VGLL4: variants seen among roughly 807,000 people sequenced by gnomAD.
VGLL4 encodes the protein vestigial like family member 4, also known as transcription cofactor vestigial-like protein 4.
A neutral mutation model predicts 21.0 loss-of-function variants in VGLL4; 7 were observed. The observed-to-expected ratio is 0.33, with a 90% CI of 0.19 to 0.63. VGLL4 has a LOEUF of 0.63. VGLL4 is among the 20% of genes least tolerant of loss of function. The probability of loss-of-function intolerance (pLI) is 0.78; values close to 1 mark genes in which losing one functional copy is unlikely to be tolerated. For synonymous variants in VGLL4, 222 were observed against 173.2 expected, an observed-to-expected ratio of 1.28 and a Z score of -2.21; for missense variants, 394 against 425.7, an observed-to-expected ratio of 0.93 and a Z score of 0.66.
At chr3:11,703,441 G>A (rs1178827643) in intron 1 of VGLL4, among the ~76,000 whole-genome samples, 1 of 152,202 alleles carries the variant, frequency 6.6e-6, no homozygotes. Flanking sequence ...GTGAGGTGGT[G>A]CAGCTTAACA....
At chr3:11,701,400 A>G (rs1308465625) in intron 2 of VGLL4, among the ~76,000 whole-genome samples, 1 of 152,188 alleles carries the variant, frequency 6.6e-6, no homozygotes, top group African/African-American at 2.4e-5. Flanking sequence ...CAGCACCGTG[A>G]GCCAATTAAA....
intron 1 of VGLL4, among the ~76,000 whole-genome samples, chr3:11,618,115 T>C (rs1432176749): frequency 2.0e-5 from 3 of 152,186 alleles, no homozygotes; most frequent in Non-Finnish European, 4.4e-5. Flanking sequence ...AAAATCTGAA[T>C]ACCGATGTTT....
intron 1 of VGLL4, among the ~76,000 whole-genome samples, chr3:11,718,817 T>C (rs1017416113): frequency 1.3e-5 from 2 of 152,022 alleles, no homozygotes; most frequent in African/African-American, 4.8e-5. Flanking sequence ...CTGGTTCTTA[T>C]TAATCACAGA....
chr3:11,715,383 G>C (rs1261975046), intron 1 of VGLL4, among the ~76,000 whole-genome samples: 1 of 151,990 alleles, frequency 6.6e-6, no homozygotes, highest in African/African-American at 2.4e-5. Flanking sequence ...GCCTAGGCTG[G>C]AGTGCAATGG....
intron 1 of VGLL4, among the ~76,000 whole-genome samples, chr3:11,706,032 A>G (rs2076756953): frequency 6.6e-6 from 1 of 152,234 alleles, no homozygotes; most frequent in African/African-American, 2.4e-5. Context: ...ATTTTACCCC[A>G]TTAAGTTGAA....
upstream of VGLL4, among the ~76,000 whole-genome samples, chr3:11,721,476 A>G (rs1353550329): frequency 1.3e-5 from 2 of 152,244 alleles, no homozygotes; most frequent in African/African-American, 4.8e-5. Flanking sequence ...CAACCTAGGA[A>G]TAGGTCCCCT....
chr3:11,697,273 G>GT (rs376466335), intron 2 of VGLL4, among the ~76,000 whole-genome samples: 8,591 of 137,208 alleles, frequency 0.063, 278 homozygotes, highest in Middle Eastern at 0.091. Context: ...GCTAATTGTG[G>GT]TTTTTTTTTT....
At chr3:11,585,931 C>T (rs1211499769) in intron 2 of VGLL4, among the ~76,000 whole-genome samples, 7 of 152,122 alleles carry the variant, frequency 4.6e-5, no homozygotes, top group Non-Finnish European at 5.9e-5. Flanking sequence ...GCCGTTGGTC[C>T]CTGGGTGTTT....
intron 2 of VGLL4, among the ~76,000 whole-genome samples, chr3:11,690,482 A>G (rs1323205144): frequency 6.6e-6 from 1 of 152,146 alleles, no homozygotes; most frequent in African/African-American, 2.4e-5. Flanking sequence ...AGCACCCTAA[A>G]CTAGTACTTC....
rs2076955557 is a variant in VGLL4 at position 11,719,075 on chromosome 3, G to C, written c.-14+1319C>G. Reference sequence around the variant, plus strand: ...GAGGCCTGCACTGGGTGCAGGGAGAGTGTGCAGTCCTGTTTTGGGGACCGG... The same window carrying C: ...GAGGCCTGCACTGGGTGCAGGGAGACTGTGCAGTCCTGTTTTGGGGACCGG... On this transcript the variant is annotated intron_variant, in intron 1 of 5. Coordinates refer to the VGLL4 transcript ENST00000273038. This position sits in a 1 kb window ranked among gnomAD's most constrained non-coding sequence, Gnocchi z 4.0. 6.6e-6 allele frequency among the ~76,000 whole-genome samples: 1 copy of C among 152,326 alleles called. No individual in the cohort carries two copies. Among genetic ancestry groups the C allele is most frequent in the Non-Finnish European group, 1.5e-5 (1 of 68,030 alleles).
In VGLL4 at chr3:11,719,794, T is replaced by TC. The variant is rs546490200; in HGVS notation, c.-14+599dup. 6.6e-5 allele frequency among the ~76,000 whole-genome samples: 10 copies of TC among 151,466 alleles called. No individual in the cohort carries two copies. The East Asian group carries it at 9.9e-4, about 15-fold the overall frequency. On this transcript the variant is annotated intron_variant, in intron 1 of 5. Coordinates refer to the VGLL4 transcript ENST00000273038. The surrounding 1 kb of genome is among the most constrained non-coding windows in gnomAD (Gnocchi z 4.0). Reference sequence around the variant, plus strand: ...CGCGGCAGGGAGAGGCCGCTTTCCCTCCCCCGCCAGCTGCGCGCCCGGTGC... The same window carrying TC: ...CGCGGCAGGGAGAGGCCGCTTTCCCTCCCCCCGCCAGCTGCGCGCCCGGTGC...
At chr3:11,564,694 C>T in intron 3 of VGLL4, 103 bp downstream of exon 3, 1 of 1,388,714 alleles carries the variant, frequency 7.2e-7, no homozygotes, top group Admixed American at 2.2e-5. Flanking sequence ...CACCACCTCC[C>T]TCCCTCACCA....
chr3:11,630,008 G>A (rs1559911098), intron 1 of VGLL4, among the ~76,000 whole-genome samples: 3 of 152,174 alleles, frequency 2.0e-5, no homozygotes, highest in Non-Finnish European at 2.9e-5. Context: ...TCTGTGCCAC[G>A]TTGGTGTTTT....
chr3:11,719,810 C>T lies in VGLL4; in HGVS notation c.-14+584G>A, dbSNP rs1320458571. ...CGCTTTCCCTCCCCCGCCAGCTGCG[C>T]GCCCGGTGCCAGCTCGCACCTCCCG... On this transcript the variant is annotated intron_variant, in intron 1 of 5. Coordinates refer to the VGLL4 transcript ENST00000273038. This position sits in a 1 kb window ranked among gnomAD's most constrained non-coding sequence, Gnocchi z 4.0. Among the ~76,000 whole-genome samples, 12 of 152,038 alleles carry T rather than the reference C, an allele frequency of 7.9e-5. No homozygotes were observed. Among genetic ancestry groups the T allele is most frequent in the African/African-American group, 1.4e-4 (6 of 41,428 alleles).
intron 1 of VGLL4, among the ~76,000 whole-genome samples, chr3:11,605,468 A>T (rs2074918790): frequency 6.6e-6 from 1 of 151,646 alleles, no homozygotes; most frequent in South Asian, 2.1e-4. Flanking sequence ...GAGCCCTGAA[A>T]ATTTCAGCCC....
intron 2 of VGLL4, among the ~76,000 whole-genome samples, chr3:11,570,103 G>T (rs2073713655): frequency 6.6e-6 from 1 of 151,954 alleles, no homozygotes; most frequent in African/African-American, 2.4e-5. Context: ...ATGTGCACAG[G>T]GCAGGTCAGC....
chr3:11,614,926 C>G (rs974812251), intron 1 of VGLL4, among the ~76,000 whole-genome samples: 1 of 152,154 alleles, frequency 6.6e-6, no homozygotes, highest in Admixed American at 6.5e-5. Flanking sequence ...TAAAGCTACC[C>G]AAAAAGTTGA....
At chr3:11,621,830 ATTG>A in intron 1 of VGLL4, among the ~76,000 whole-genome samples, 1 of 152,078 alleles carries the variant, frequency 6.6e-6, no homozygotes, top group Non-Finnish European at 1.5e-5. Context: ...AACACTTGTT[ATTG>A]TCTTTTTTAT....
chr3:11,624,263 C>T (rs1358011447), intron 1 of VGLL4, among the ~76,000 whole-genome samples: 2 of 152,184 alleles, frequency 1.3e-5, no homozygotes, highest in Non-Finnish European at 2.9e-5. Context: ...ATGCCTCTTC[C>T]ACTTTCACAA....
Sources: allele counts gnomAD v4.1 joint callset (sites outside exome capture counted in the v4.1 genomes callset), GRCh38; gene constraint gnomAD v4.1.1; non-coding constraint Gnocchi (gnomAD v3.1); transcripts MANE v1.5; gene names NCBI Gene and HGNC (gene_info 2026-07-23, HGNC 2026-07-21).